Variants in POU2F1 observed in about 807,000 individuals in gnomAD.
POU2F1 encodes the protein POU domain, class 2, transcription factor 1.
A neutral mutation model predicts 84.9 loss-of-function variants in POU2F1; 16 were observed. The observed-to-expected ratio is 0.19, with a 90% confidence interval of 0.13 to 0.29. The LOEUF (loss-of-function observed/expected upper bound fraction) is 0.29. POU2F1 is among the 10% of genes least tolerant of loss of function. The pLI, the probability that POU2F1 is intolerant of heterozygous loss-of-function variation, is 1.00. For synonymous variants in POU2F1, 368 were observed against 368.3 expected (o/e 1.00, Z 0.01); for missense variants, 738 against 942.6 (o/e 0.78, Z 2.84).
chr1:167,391,808 G>A (rs1042752636), intron 9 of POU2F1, among the ~76,000 whole-genome samples: 9 of 151,136 alleles, frequency 6.0e-5, no homozygotes, highest in African/African-American at 9.7e-5. Context: ...ATCCACCCAC[G>A]TCAGCTTCCC....
intron 12 of POU2F1, 84 bp from the exon 13 acceptor site, chr1:167,401,364 CCAA>C: frequency 2.3e-6 from 2 of 879,508 alleles, no homozygotes; most frequent in Non-Finnish European, 1.7e-6. Flanking sequence ...TGTCTCAATT[CCAA>C]GATCAAAGAA....
At chr1:167,236,866 G>A (rs562706218) in intron 1 of POU2F1, among the ~76,000 whole-genome samples, 2 of 152,210 alleles carry the variant, frequency 1.3e-5, no homozygotes, top group South Asian at 4.2e-4. Context: ...TTCTCTAAAG[G>A]CAATTTTAAT....
intron 2 of POU2F1, among the ~76,000 whole-genome samples, chr1:167,336,082 T>C (rs1163923330): frequency 6.6e-6 from 1 of 152,246 alleles, no homozygotes; most frequent in Non-Finnish European, 1.5e-5. Flanking sequence ...TTTTATCATC[T>C]ATTACCATGA....
At chr1:167,221,763 C>T (rs1571105403) in intron 1 of POU2F1, among the ~76,000 whole-genome samples, 6 of 151,532 alleles carry the variant, frequency 4.0e-5, no homozygotes. Context: ...CGGTCGTGGG[C>T]GCTGCGAGGT....
intron 1 of POU2F1, among the ~76,000 whole-genome samples, chr1:167,259,632 T>C (rs1379994257): frequency 1.3e-5 from 2 of 152,132 alleles, no homozygotes; most frequent in South Asian, 2.1e-4. Flanking sequence ...ACAGTACATA[T>C]GTAAGCCTAG....
chr1:167,399,117 G>T (rs963902811), intron 11 of POU2F1, 69 bp from the exon 12 acceptor site: 16 of 1,453,688 alleles, frequency 1.1e-5, no homozygotes, highest in African/African-American at 1.4e-5. Flanking sequence ...AACCTGACGT[G>T]ATTATGCCAG....
intron 1 of POU2F1, among the ~76,000 whole-genome samples, chr1:167,233,653 C>T (rs1411708389): frequency 6.6e-6 from 1 of 152,174 alleles, no homozygotes; most frequent in East Asian, 1.9e-4. Context: ...TTAAGTGATG[C>T]ATAACTGCAC....
chr1:167,315,884 G>A lies in POU2F1; in HGVS notation c.62-16586G>A, dbSNP rs1309113071. ...TACCATGGAATACTTAATATTCAAC[G>A]AGAAAAAGGAATAACTATTGATACA... On this transcript the variant is annotated intron_variant, in intron 1 of 15. Coordinates refer to ENST00000367866, the MANE Select transcript of POU2F1 (RefSeq NM_002697.4). Among the ~76,000 whole-genome samples, 11 of 151,176 alleles carry A rather than the reference G, an allele frequency of 7.3e-5. No individual in the cohort carries two copies. In the South Asian group the frequency reaches 1.7e-3, roughly 23 times the overall value.
intron 1 of POU2F1, among the ~76,000 whole-genome samples, chr1:167,233,560 A>G (rs757860905): frequency 6.6e-6 from 1 of 152,220 alleles, no homozygotes; most frequent in Non-Finnish European, 1.5e-5. Flanking sequence ...TAGCTTAGGT[A>G]TGTAGTAGGC....
At chr1:167,326,948 A>C (rs1402926651) in intron 1 of POU2F1, among the ~76,000 whole-genome samples, 2 of 152,228 alleles carry the variant, frequency 1.3e-5, no homozygotes, top group Non-Finnish European at 2.9e-5. Context: ...AATAAATTTT[A>C]AATTTCGTAA....
chr1:167,375,113 G>T (rs1003368310), intron 6 of POU2F1, among the ~76,000 whole-genome samples: 1 of 152,092 alleles, frequency 6.6e-6, no homozygotes, highest in African/African-American at 2.4e-5. Flanking sequence ...AGAGGAAAAA[G>T]GTATAAGTAG....
At chr1:167,229,245 G>A (rs1465062195) in intron 1 of POU2F1, among the ~76,000 whole-genome samples, 1 of 151,904 alleles carries the variant, frequency 6.6e-6, no homozygotes, top group African/African-American at 2.4e-5. Flanking sequence ...GATGCAAAGA[G>A]ATTATCAAGG....
intron 1 of POU2F1, among the ~76,000 whole-genome samples, chr1:167,248,373 A>G (rs996591050): frequency 6.6e-6 from 1 of 152,252 alleles, no homozygotes. Flanking sequence ...TGATTTGCAT[A>G]CATTGCTGGA....
chr1:167,337,966 A>G (rs1423299753), intron 2 of POU2F1: 4 of 370,432 alleles, frequency 1.1e-5, no homozygotes, highest in Non-Finnish European at 2.1e-5. Flanking sequence ...GCCTTCTTTT[A>G]CAGCATGGAC....
Position 167,413,021 on chromosome 1 carries a change from T to C in POU2F1, c.1902-5T>C. ...AATAAAGTGACTCCTCTTTTGGACT[T>C]GCAGAGGTGCCTTACTCAGTCTGAA... On this transcript the variant is annotated splice_region_variant and splice_polypyrimidine_tract_variant and intron_variant, in intron 14 of 15. Coordinates refer to ENST00000367866, the MANE Select transcript of POU2F1 (RefSeq NM_002697.4). 6.2e-7 allele frequency: 1 copy of C among 1,612,546 alleles called. No homozygotes were observed. The highest frequency in any genetic ancestry group is 8.5e-7 in the Non-Finnish European group (1 of 1,178,572).
rs565143048 is a variant in POU2F1 at position 167,419,347 on chromosome 1, T to C, written c.*3537T>C. On this transcript the variant is annotated 3_prime_UTR_variant, in exon 16 of 16. Transcript: ENST00000367866. ...TCTTTTTTTTTCCCCTTAATGTTTATGCAAATTTTATTTTATATTTCTGAA... is the reference window on the plus strand; with the variant it reads ...TCTTTTTTTTTCCCCTTAATGTTTACGCAAATTTTATTTTATATTTCTGAA... 2 of 152,206 alleles carry C rather than the reference T, an allele frequency of 1.3e-5. No individual in the cohort carries two copies. The highest frequency in any genetic ancestry group is 2.9e-5 in the Non-Finnish European group (2 of 68,034). 9.4% of individuals were successfully genotyped at this position (152,206 alleles called of 1,614,324 possible).
rs554662740 is a variant in POU2F1, at chr1:167,224,828, T to C, written c.61+3870T>C. On this transcript the variant is annotated intron_variant, in intron 1 of 15. Coordinates refer to ENST00000367866, the MANE Select transcript of POU2F1 (RefSeq NM_002697.4). ...GGAAATCCATTGTCACTGTCTTCTT[T>C]TTTTTTTTTTTTTTTTTCCAGACAG... is the stretch of plus-strand genomic sequence containing the variant. 6.9e-3 allele frequency among the ~76,000 whole-genome samples: 1,027 copies of C among 148,708 alleles called. 4 individuals carry two copies. The highest frequency in any genetic ancestry group is 0.014 in the Middle Eastern group (4 of 290).
rs1420272539 is a variant in POU2F1 at position 167,416,392 on chromosome 1, T to C, written c.*582T>C. ...CTGTATTACTGTATTATTATTGTTG[T>C]TGTTGTTATTGTTTTATATATATAG... is the stretch of plus-strand genomic sequence containing the variant. On this transcript the variant is annotated 3_prime_UTR_variant, in exon 16 of 16. Coordinates refer to ENST00000367866, the MANE Select transcript of POU2F1 (RefSeq NM_002697.4). 5.4e-6 allele frequency: 1 copy of C among 186,124 alleles called. No individual in the cohort carries two copies. Among genetic ancestry groups the C allele is most frequent in the Non-Finnish European group, 1.1e-5 (1 of 89,948 alleles). The allele number at this position is 186,124 out of a possible 1,614,324, so 11.5% of individuals were successfully genotyped here. A position where few individuals can be genotyped will look rare whatever the true frequency, so the allele number is the denominator to read the frequency against.
intron 2 of POU2F1, among the ~76,000 whole-genome samples, chr1:167,361,654 G>A (rs1571369756): frequency 6.6e-6 from 1 of 152,098 alleles, no homozygotes; most frequent in Non-Finnish European, 1.5e-5. Context: ...ATCATTGCCA[G>A]ATTTAGGTAT....
Sources: gnomAD v4.1 joint callset for allele counts (sites outside exome capture counted in the v4.1 genomes callset) on GRCh38, gnomAD v4.1.1 for gene constraint, MANE v1.5 for transcripts, NCBI Gene and HGNC (gene_info 2026-07-23, HGNC 2026-07-21) for gene names.